Variants in EPHA5 observed in about 807,000 individuals in gnomAD.
EPHA5 encodes the protein EPH receptor A5.
In EPHA5, 60 loss-of-function variants were observed where a neutral mutation model predicts 105.0. The ratio of observed to expected loss-of-function variants is 0.57; its 90% CI spans 0.46 to 0.71. EPHA5 has a LOEUF of 0.71. EPHA5 is among the 30% of genes least tolerant of loss of function. EPHA5 has a pLI of 0.00. For synonymous variants in EPHA5, 513 were observed against 449.1 expected, an observed-to-expected ratio of 1.14 and a Z score of -1.80; for missense variants, 1,218 against 1,274.7, an observed-to-expected ratio of 0.96 and a Z score of 0.68.
intron 6 of EPHA5, among the ~76,000 whole-genome samples, chr4:65,418,206 T>C (rs1723578291): frequency 6.6e-6 from 1 of 152,202 alleles, no homozygotes; most frequent in Non-Finnish European, 1.5e-5. Flanking sequence ...GAATTCAGCA[T>C]GTGTTAATAT....
intron 3 of EPHA5, among the ~76,000 whole-genome samples, chr4:65,519,042 T>G (rs1460406596): frequency 6.6e-6 from 1 of 152,102 alleles, no homozygotes; most frequent in Non-Finnish European, 1.5e-5. Context: ...ATATCCTTGA[T>G]GAACATGGAT....
At chr4:65,438,938 T>C (rs1199445135) in intron 5 of EPHA5, among the ~76,000 whole-genome samples, 11 of 152,216 alleles carry the variant, frequency 7.2e-5, no homozygotes, top group African/African-American at 2.2e-4. Flanking sequence ...GTTGAGGCAG[T>C]TTACATTTAA....
chr4:65,590,546 T>A (rs1359459948), intron 3 of EPHA5, among the ~76,000 whole-genome samples: 3 of 152,196 alleles, frequency 2.0e-5, no homozygotes, highest in African/African-American at 4.8e-5. Context: ...TGCTTTATAA[T>A]AATTGGCATG....
intron 8 of EPHA5, among the ~76,000 whole-genome samples, chr4:65,374,686 A>T: frequency 6.6e-6 from 1 of 151,978 alleles, no homozygotes; most frequent in Non-Finnish European, 1.5e-5. Context: ...TATTATATTA[A>T]GGTCAAAACT....
chr4:65,648,562 C>T (rs1411671437), intron 1 of EPHA5, among the ~76,000 whole-genome samples: 1 of 152,142 alleles, frequency 6.6e-6, no homozygotes, highest in Non-Finnish European at 1.5e-5. Flanking sequence ...TTCACATTAA[C>T]AAACACAATT....
chr4:65,328,830 G>A (rs1720328701), intron 16 of EPHA5, among the ~76,000 whole-genome samples: 1 of 151,028 alleles, frequency 6.6e-6, no homozygotes, highest in African/African-American at 2.4e-5. Context: ...TACTTTAAGG[G>A]TATAATAAAT....
chr4:65,463,222 T>C (rs1728289788), intron 5 of EPHA5, among the ~76,000 whole-genome samples: 1 of 152,164 alleles, frequency 6.6e-6, no homozygotes, highest in Non-Finnish European at 1.5e-5. Flanking sequence ...AGCTGGCTTT[T>C]TATTTGCAAA....
intron 1 of EPHA5, among the ~76,000 whole-genome samples, chr4:65,650,109 A>G (rs1450694781): frequency 1.3e-5 from 2 of 152,176 alleles, no homozygotes; most frequent in Non-Finnish European, 2.9e-5. Flanking sequence ...TGTAAAACTG[A>G]CTGCTGGTTC....
At position 65,490,431 on chromosome 4, in the gene EPHA5, A is replaced by C. The variant is rs142589245; in HGVS notation, c.1348T>G (p.Leu450Val). 3.8e-5 allele frequency: 61 copies of C among 1,614,142 alleles called. No homozygotes were observed. The Admixed American group carries it at 6.2e-4, about 16-fold the overall frequency. The stretch of plus-strand genomic sequence containing the variant: ...ACATACTGCCGGGCTCCTGGGCTCA[A>C]GTCGGACACTCCATTCACTGCCTCA... ...EIEAVNGVSD[L>V]SPGARQYVSV... The change falls in exon 5 of 17, where the codon TTG becomes GTG. Residue 450 changes from leucine to valine, a missense_variant. Leu to Val is a conservative substitution (Grantham distance 32). Around this residue, in one of 3 missense-constraint regions of EPHA5, gnomAD observed 971 missense variants for 1,013.5 expected, o/e 0.96. Transcript: ENST00000613740.
intron 13 of EPHA5, among the ~76,000 whole-genome samples, chr4:65,350,861 G>C (rs1722745365): frequency 6.6e-6 from 1 of 151,962 alleles, no homozygotes; most frequent in Admixed American, 6.6e-5. Flanking sequence ...ACTTTTTGAA[G>C]GAATAGCTCT....
At chr4:65,494,393 T>C (rs1731714284) in intron 4 of EPHA5, among the ~76,000 whole-genome samples, 1 of 152,182 alleles carries the variant, frequency 6.6e-6, no homozygotes, top group African/African-American at 2.4e-5. Flanking sequence ...GCTACAACTT[T>C]CTGGGACCTA....
At chr4:65,573,771 C>T in intron 3 of EPHA5, 5 of 1,612,732 alleles carry the variant, frequency 3.1e-6, no homozygotes, top group Non-Finnish European at 4.2e-6. Context: ...CGGCGGTACC[C>T]GGGTGGTTAA....
chr4:65,566,899 A>G (rs549824265), intron 3 of EPHA5, among the ~76,000 whole-genome samples: 1 of 151,618 alleles, frequency 6.6e-6, no homozygotes, highest in Non-Finnish European at 1.5e-5. Flanking sequence ...AAATTTTTAT[A>G]ACGGAGGCTT....
chr4:65,647,095 G>A (rs1748173219), intron 1 of EPHA5, among the ~76,000 whole-genome samples: 2 of 152,002 alleles, frequency 1.3e-5, no homozygotes, highest in African/African-American at 2.4e-5. Flanking sequence ...TTGGGAGGCT[G>A]AGGCGGGTGG....
intron 2 of EPHA5, among the ~76,000 whole-genome samples, chr4:65,629,431 G>C (rs1746432965): frequency 6.6e-6 from 1 of 152,118 alleles, no homozygotes. Flanking sequence ...AAAGAATGAT[G>C]ATAAATAAAG....
chr4:65,421,916 T>C (rs770455942), intron 5 of EPHA5, among the ~76,000 whole-genome samples: 1 of 152,120 alleles, frequency 6.6e-6, no homozygotes, highest in Non-Finnish European at 1.5e-5. Context: ...GTGCACATAC[T>C]AGGATAATAT....
chr4:65,665,648 A>G (rs1029931248), intron 1 of EPHA5, among the ~76,000 whole-genome samples: 2 of 152,124 alleles, frequency 1.3e-5, no homozygotes, highest in Non-Finnish European at 2.9e-5. Flanking sequence ...AATATTTCCA[A>G]TCAAAGAAAA....
At chr4:65,588,284 C>G (rs187981156) in intron 3 of EPHA5, among the ~76,000 whole-genome samples, 1 of 152,164 alleles carries the variant, frequency 6.6e-6, no homozygotes, top group South Asian at 2.1e-4. Flanking sequence ...TATTCAGAAT[C>G]TTAGATCTTA....
At chr4:65,600,995 A>G (rs1743667385) in intron 3 of EPHA5, among the ~76,000 whole-genome samples, 1 of 152,172 alleles carries the variant, frequency 6.6e-6, no homozygotes, top group Non-Finnish European at 1.5e-5. Flanking sequence ...AATTGCTTTA[A>G]AATGACCTTT....
Sources: gnomAD v4.1 joint callset for allele counts (sites outside exome capture counted in the v4.1 genomes callset) on GRCh38, gnomAD v4.1.1 for gene constraint, gnomAD v4.1.1 regional missense constraint, MANE v1.5 for transcripts, NCBI Gene and HGNC (gene_info 2026-07-23, HGNC 2026-07-21) for gene names.